Variants in LRP1B observed in about 807,000 individuals in gnomAD.
The protein encoded by LRP1B is low-density lipoprotein receptor-related protein 1B.
A neutral mutation model predicts 556.6 loss-of-function variants in LRP1B; 217 were observed. The observed-to-expected ratio is 0.39, with a 90% CI of 0.35 to 0.44. The LOEUF (loss-of-function observed/expected upper bound fraction) is 0.44. LRP1B is among the 20% of genes least tolerant of loss of function. LRP1B has a pLI of 1.00. For missense variants in LRP1B, 5,053 were observed against 5,620.8 expected (o/e 0.90, Z 3.23); for synonymous variants, 2,047 against 1,865.8 (o/e 1.10, Z -2.50).
intron 2 of LRP1B, among the ~76,000 whole-genome samples, chr2:141,689,202 T>A (rs1238850728): frequency 3.3e-5 from 5 of 151,862 alleles, no homozygotes; most frequent in Non-Finnish European, 7.4e-5. Context: ...TTTGTGTTAA[T>A]CACTGTTCTG....
At chr2:141,270,830 T>C (rs932948501) in intron 3 of LRP1B, among the ~76,000 whole-genome samples, 3 of 151,580 alleles carry the variant, frequency 2.0e-5, no homozygotes, top group Non-Finnish European at 4.4e-5. Flanking sequence ...TAATGGAGAG[T>C]TTCAGTATGA....
intron 86 of LRP1B, among the ~76,000 whole-genome samples, chr2:140,249,723 A>G (rs1681323222): frequency 1.3e-5 from 2 of 151,814 alleles, no homozygotes; most frequent in African/African-American, 4.8e-5. Flanking sequence ...TATTAAATAG[A>G]AATCATTATT....
intron 2 of LRP1B, among the ~76,000 whole-genome samples, chr2:141,742,604 C>G (rs1288220371): frequency 1.3e-5 from 2 of 152,042 alleles, no homozygotes; most frequent in Admixed American, 1.3e-4. Context: ...TATTTTGAGT[C>G]TTTTGTGATT....
At chr2:140,992,815 A>C (rs1437047936) in intron 16 of LRP1B, among the ~76,000 whole-genome samples, 1 of 152,074 alleles carries the variant, frequency 6.6e-6, no homozygotes, top group African/African-American at 2.4e-5. Context: ...ATAGCAATTT[A>C]GTATTTAAAT....
intron 1 of LRP1B, among the ~76,000 whole-genome samples, chr2:141,960,176 A>T (rs1701361376): frequency 7.3e-6 from 1 of 136,830 alleles, no homozygotes; most frequent in Non-Finnish European, 1.5e-5. Context: ...GATAGCTTGT[A>T]ATTTGGATAA....
intron 81 of LRP1B, among the ~76,000 whole-genome samples, chr2:140,322,496 T>C (rs1680195319): frequency 6.6e-6 from 1 of 151,962 alleles, no homozygotes; most frequent in South Asian, 2.1e-4. Flanking sequence ...TACAGAGCTG[T>C]TCTAACAGAC....
chr2:140,446,386 T>G (rs914524572), intron 63 of LRP1B, among the ~76,000 whole-genome samples: 1 of 152,182 alleles, frequency 6.6e-6, no homozygotes, highest in Non-Finnish European at 1.5e-5. Context: ...AGAATTTTGA[T>G]GCATTGCTCT....
intron 7 of LRP1B, among the ~76,000 whole-genome samples, chr2:141,100,929 T>A (rs1700445156): frequency 6.6e-6 from 1 of 151,950 alleles, no homozygotes; most frequent in Non-Finnish European, 1.5e-5. Flanking sequence ...TTCATAAAAA[T>A]TTTTTCCAAG....
chr2:141,480,070 G>A (rs1682860781), intron 3 of LRP1B, among the ~76,000 whole-genome samples: 1 of 152,080 alleles, frequency 6.6e-6, no homozygotes, highest in Admixed American at 6.6e-5. Context: ...AATCTGCTGT[G>A]ACAAAGACTT....
chr2:141,590,024 A>G (rs1687279341), intron 2 of LRP1B, among the ~76,000 whole-genome samples: 1 of 152,176 alleles, frequency 6.6e-6, no homozygotes, highest in African/African-American at 2.4e-5. Context: ...ACTTCATCAA[A>G]ATGTCTGTTT....
At chr2:141,884,854 C>A (rs9287326) in intron 1 of LRP1B, among the ~76,000 whole-genome samples, 53,891 of 151,914 alleles carry the variant, frequency 0.35, 11,096 homozygotes, top group Admixed American at 0.48. Flanking sequence ...TCTTTGAGGT[C>A]ACACTAACCC....
intron 43 of LRP1B, among the ~76,000 whole-genome samples, chr2:140,569,792 G>A (rs889651556): frequency 5.3e-5 from 8 of 151,692 alleles, no homozygotes; most frequent in African/African-American, 1.9e-4. Context: ...CATATTTTAG[G>A]CCACAAAACA....
intron 2 of LRP1B, among the ~76,000 whole-genome samples, chr2:141,530,007 C>T (rs1457849644): frequency 6.6e-6 from 1 of 152,076 alleles, no homozygotes; most frequent in African/African-American, 2.4e-5. Flanking sequence ...TAAACTATCA[C>T]TGAATAAAAG....
chr2:141,835,938 A>C (rs1172216143), intron 1 of LRP1B, among the ~76,000 whole-genome samples: 2 of 151,972 alleles, frequency 1.3e-5, no homozygotes, highest in Non-Finnish European at 2.9e-5. Context: ...AAATGATTAC[A>C]TTTTAAGGAA....
chr2:141,204,755 G>T (rs537011760), intron 6 of LRP1B, among the ~76,000 whole-genome samples: 1 of 152,006 alleles, frequency 6.6e-6, no homozygotes, highest in Non-Finnish European at 1.5e-5. Context: ...TGGCCAAGAT[G>T]GTGAAACCCC....
At chr2:140,881,140 A>T (rs1693459278) in intron 25 of LRP1B, among the ~76,000 whole-genome samples, 2 of 152,086 alleles carry the variant, frequency 1.3e-5, no homozygotes, top group African/African-American at 2.4e-5. Flanking sequence ...TAGTTTGAGA[A>T]ATTGGGGAAA....
In LRP1B at chr2:140,702,172, C is replaced by T. The variant is rs2105428259; in HGVS notation, c.6271G>A (p.Val2091Ile). Residue 2091 changes from valine to isoleucine, a missense_variant, in exon 39 of 91, where the codon GTC (valine) becomes ATC (isoleucine). By Grantham distance (29) the Val-to-Ile change is conservative (BLOSUM62 3). Around this residue, in one of 5 missense-constraint regions of LRP1B, gnomAD observed 3,619 missense variants for 3,931.9 expected, o/e 0.92. Coordinates refer to ENST00000389484, the MANE Select transcript of LRP1B (RefSeq NM_018557.3). ...GSNVDMFSVA[V>I]FGAYIYWSDR... is the part of the protein sequence containing the mutation. The stretch of plus-strand genomic sequence containing the variant: ...GACCAGTAGATGTAAGCCCCAAAGA[C>T]TGCAACTGAAAACATATCCACATTG... 6.2e-7 allele frequency: 1 copy of T among 1,613,636 alleles called. No individual in the cohort carries two copies. Among genetic ancestry groups the T allele is most frequent in the Non-Finnish European group, 8.5e-7 (1 of 1,179,734 alleles).
At chr2:140,593,062 T>C (rs1682293026) in intron 43 of LRP1B, among the ~76,000 whole-genome samples, 2 of 152,336 alleles carry the variant, frequency 1.3e-5, no homozygotes, top group South Asian at 2.1e-4. Context: ...CTAGTTTATT[T>C]ATTTAACTTG....
intron 32 of LRP1B, among the ~76,000 whole-genome samples, chr2:140,807,179 A>C (rs900199369): frequency 6.6e-6 from 1 of 152,176 alleles, no homozygotes; most frequent in Non-Finnish European, 1.5e-5. Context: ...AAGATAAATA[A>C]AAATTAAAAA....
Sources: gnomAD v4.1 joint callset for allele counts (sites outside exome capture counted in the v4.1 genomes callset) on GRCh38, gnomAD v4.1.1 for gene constraint, gnomAD v4.1.1 regional missense constraint, MANE v1.5 for transcripts, NCBI Gene and HGNC (gene_info 2026-07-23, HGNC 2026-07-21) for gene names.